The following EVA1A variants were observed in gnomAD, a reference collection of about 807,000 sequenced individuals.
EVA1A encodes protein eva-1 homolog A.
A neutral mutation model predicts 9.8 loss-of-function variants in EVA1A; 7 were observed. The ratio of observed to expected loss-of-function variants is 0.71; its 90% confidence interval spans 0.41 to 1.34. The LOEUF (loss-of-function observed/expected upper bound fraction) is 1.34. EVA1A is among the 40% of genes most tolerant of loss of function. EVA1A has a pLI of 0.01. For synonymous variants in EVA1A, 90 were observed against 85.6 expected (o/e 1.05, Z -0.28); for missense variants, 206 against 205.9 (o/e 1.00, Z 0.00).
chr2:75,559,212 A>C (rs920358121), intron 1 of EVA1A, among the ~76,000 whole-genome samples: 6 of 152,232 alleles, frequency 3.9e-5, no homozygotes, highest in Non-Finnish European at 5.9e-5. Flanking sequence ...ATGTGGCAGC[A>C]TCCCTGGCCT....
chr2:75,495,228 A>G (rs1227983141), intron 3 of EVA1A, among the ~76,000 whole-genome samples: 1 of 152,220 alleles, frequency 6.6e-6, no homozygotes, highest in Admixed American at 6.5e-5. Flanking sequence ...CACCTAGTCT[A>G]CTGGGGAGAC....
intron 2 of EVA1A, chr2:75,518,580 T>C (rs955613724): frequency 3.9e-5 from 39 of 991,356 alleles, no homozygotes; most frequent in Non-Finnish European, 4.6e-5. Context: ...CTGATTTTCC[T>C]GACCTTTCTC....
chr2:75,529,426 CCAA>C (rs559133146), intron 1 of EVA1A, among the ~76,000 whole-genome samples: 49 of 152,188 alleles, frequency 3.2e-4, no homozygotes, highest in African/African-American at 8.4e-4. Context: ...AATATTCTGC[CCAA>C]CAACAACAGA....
At chr2:75,523,792 T>G (rs1467039691) in intron 1 of EVA1A, among the ~76,000 whole-genome samples, 1 of 152,214 alleles carries the variant, frequency 6.6e-6, no homozygotes, top group African/African-American at 2.4e-5. Flanking sequence ...GAGCTAATGC[T>G]CAGGGACTGT....
intron 2 of EVA1A, among the ~76,000 whole-genome samples, chr2:75,519,175 G>A (rs771018455): frequency 2.0e-5 from 3 of 152,216 alleles, no homozygotes; most frequent in Admixed American, 6.5e-5. Context: ...TCCTGGGCAC[G>A]AAGTGGGAGA....
chr2:75,521,239 G>A (rs998304592), intron 2 of EVA1A, among the ~76,000 whole-genome samples: 1 of 152,144 alleles, frequency 6.6e-6, no homozygotes, highest in African/African-American at 2.4e-5. Context: ...TTGATGGGAA[G>A]GTAAAATTGT....
chr2:75,564,693 T>C (rs924980411), upstream of EVA1A, among the ~76,000 whole-genome samples: 1 of 152,204 alleles, frequency 6.6e-6, no homozygotes, highest in African/African-American at 2.4e-5. Context: ...GTTCCACCCA[T>C]GACACCACTG....
At chr2:75,515,215 A>C (rs1364943255) in intron 3 of EVA1A, among the ~76,000 whole-genome samples, 1 of 151,912 alleles carries the variant, frequency 6.6e-6, no homozygotes, top group Non-Finnish European at 1.5e-5. Context: ...TTAATGTTTC[A>C]TTTTCCCCTA....
intron 1 of EVA1A, among the ~76,000 whole-genome samples, chr2:75,545,729 A>G (rs777105984): frequency 2.0e-5 from 3 of 152,206 alleles, no homozygotes; most frequent in African/African-American, 4.8e-5. Context: ...TGAAGCTCCT[A>G]TTAATACAGG....
intron 1 of EVA1A, among the ~76,000 whole-genome samples, chr2:75,541,317 G>C (rs1676109952): frequency 6.6e-6 from 1 of 152,206 alleles, no homozygotes; most frequent in Non-Finnish European, 1.5e-5. Flanking sequence ...CCTAGCACCA[G>C]CCTGGAGGCA....
intron 1 of EVA1A, among the ~76,000 whole-genome samples, chr2:75,536,662 T>C (rs1675912590): frequency 6.6e-6 from 1 of 152,024 alleles, no homozygotes; most frequent in Admixed American, 6.6e-5. Context: ...AGTAAGGAAA[T>C]ACTAGGAACA....
chr2:75,501,441 C>T (rs540024918), intron 3 of EVA1A, among the ~76,000 whole-genome samples: 208 of 152,088 alleles, frequency 1.4e-3, no homozygotes, highest in African/African-American at 4.9e-3. Context: ...GGAAATTCTC[C>T]CCTTAGGAAA....
intron 1 of EVA1A, among the ~76,000 whole-genome samples, chr2:75,551,597 C>T (rs114089644): frequency 0.02 from 3,032 of 152,288 alleles, 108 homozygotes; most frequent in African/African-American, 0.069. Context: ...CAATCTGGCA[C>T]ATGCCTGGCA....
chr2:75,568,158 C>A (rs1396890756), intron 1 of EVA1A, among the ~76,000 whole-genome samples: 1 of 152,150 alleles, frequency 6.6e-6, no homozygotes, highest in East Asian at 1.9e-4. Context: ...CCCCTGCTTG[C>A]CAGGCCTTTC....
At chr2:75,498,602 TA>T (rs1209211231) in intron 3 of EVA1A, among the ~76,000 whole-genome samples, 7 of 152,204 alleles carry the variant, frequency 4.6e-5, no homozygotes, top group South Asian at 4.1e-4. Flanking sequence ...TAATGTGTAT[TA>T]ATTTTTTTAA....
At chr2:75,493,993 A>T (rs1412258328) in intron 3 of EVA1A, among the ~76,000 whole-genome samples, 1 of 152,146 alleles carries the variant, frequency 6.6e-6, no homozygotes, top group African/African-American at 2.4e-5. Flanking sequence ...TTACTTGAGA[A>T]TTTGCTCATA....
At chr2:75,510,270 T>G (rs1191255557) in intron 3 of EVA1A, among the ~76,000 whole-genome samples, 1 of 152,170 alleles carries the variant, frequency 6.6e-6, no homozygotes, top group East Asian at 1.9e-4. Flanking sequence ...AATAAAAAGT[T>G]AAATATTAAA....
At chr2:75,517,145 C>T (rs1675038785) in intron 3 of EVA1A, among the ~76,000 whole-genome samples, 1 of 152,024 alleles carries the variant, frequency 6.6e-6, no homozygotes, top group East Asian at 1.9e-4. Context: ...TTCCTTGGCT[C>T]ATGGAACCCT....
intron 3 of EVA1A, among the ~76,000 whole-genome samples, chr2:75,509,554 C>G (rs1329606041): frequency 6.6e-6 from 1 of 152,078 alleles, no homozygotes; most frequent in Non-Finnish European, 1.5e-5. Flanking sequence ...ACCAAATGCT[C>G]CTATAGATAG....
Sources: allele counts gnomAD v4.1 joint callset (sites outside exome capture counted in the v4.1 genomes callset), GRCh38; gene constraint gnomAD v4.1.1; transcripts MANE v1.5; gene names NCBI Gene and HGNC (gene_info 2026-07-23, HGNC 2026-07-21).